CMTM7: variants seen among roughly 807,000 people sequenced by gnomAD.
CMTM7 encodes the protein CKLF-like MARVEL transmembrane domain-containing protein 7.
Under a neutral mutation model 19.3 loss-of-function variants are expected in CMTM7, and 7 were observed. That is an observed-to-expected ratio of 0.36 (90% CI 0.21 to 0.68). The LOEUF (loss-of-function observed/expected upper bound fraction) is 0.68. Ranked by LOEUF, CMTM7 falls within the 30% of genes least tolerant of loss-of-function variation. The pLI is 0.60. For missense variants in CMTM7, 193 were observed against 232.6 expected (o/e 0.83, Z 1.11); for synonymous variants, 87 against 99.3 (o/e 0.88, Z 0.74).
rs1387896670 is a variant in CMTM7 at position 32,392,030 on chromosome 3, C to A, written c.124C>A (p.Arg42Ser). 1 of 1,235,316 alleles carries A rather than the reference C, an allele frequency of 8.1e-7. No homozygotes were observed. The highest frequency in any genetic ancestry group is 1.0e-6 in the Non-Finnish European group (1 of 987,062). The allele number at this position is 1,235,316 out of a possible 1,614,324, so 76.5% of individuals were successfully genotyped here. ...LEGLLDLSYP[R>S]THAALLKVAQ... ...GGGGCTGCTGGACCTCAGCTACCCC[C>A]GCACCCACGCGGCCCTGCTGAAAGT... Residue 42 changes from arginine to serine, a missense_variant, in exon 1 of 5, where the codon CGC becomes AGC. Coordinates refer to ENST00000334983, the MANE Select transcript of CMTM7 (RefSeq NM_138410.4).
At chr3:32,439,939 A>T (rs1696650476) in intron 1 of CMTM7, among the ~76,000 whole-genome samples, 1 of 152,132 alleles carries the variant, frequency 6.6e-6, no homozygotes, top group African/African-American at 2.4e-5. Flanking sequence ...CTACCCACTA[A>T]ATGCCAGTAG....
At chr3:32,436,390 A>T (rs566678818) in intron 1 of CMTM7, among the ~76,000 whole-genome samples, 1 of 152,232 alleles carries the variant, frequency 6.6e-6, no homozygotes, top group South Asian at 2.1e-4. Context: ...AATTCAGCCA[A>T]AGTTGGGAGC....
At chr3:32,444,408 T>C (rs1321736659) in intron 2 of CMTM7, among the ~76,000 whole-genome samples, 1 of 152,258 alleles carries the variant, frequency 6.6e-6, no homozygotes, top group African/African-American at 2.4e-5. Context: ...TTCTATTCCA[T>C]TGATCTATGT....
intron 1 of CMTM7, among the ~76,000 whole-genome samples, chr3:32,426,722 T>C (rs1696438637): frequency 6.6e-6 from 1 of 152,228 alleles, no homozygotes; most frequent in South Asian, 2.1e-4. Flanking sequence ...TTTTCCACTT[T>C]TATAACACTG....
intron 1 of CMTM7, among the ~76,000 whole-genome samples, chr3:32,404,152 C>T (rs6550131): frequency 0.2 from 26,009 of 130,448 alleles, 3,821 homozygotes; most frequent in African/African-American, 0.3. Context: ...CTTTTTTTTT[C>T]TTTTTTTTTC....
intron 1 of CMTM7, among the ~76,000 whole-genome samples, chr3:32,395,282 G>A (rs1695898243): frequency 2.0e-5 from 3 of 152,146 alleles, no homozygotes; most frequent in African/African-American, 7.2e-5. Flanking sequence ...TGGGATTACA[G>A]GTGAGCCACT....
intron 1 of CMTM7, among the ~76,000 whole-genome samples, chr3:32,431,342 T>C (rs930981993): frequency 6.6e-6 from 1 of 152,192 alleles, no homozygotes; most frequent in Non-Finnish European, 1.5e-5. Context: ...TTTGTTTTCT[T>C]AAATAGACAC....
At chr3:32,454,148 C>G (rs1575129180) in intron 4 of CMTM7, 93 bp from the exon 5 acceptor site, 6 of 1,365,194 alleles carry the variant, frequency 4.4e-6, no homozygotes, top group Middle Eastern at 1.9e-4. Context: ...CAGGTGCCCC[C>G]CTGAGCAGAA....
intron 1 of CMTM7, among the ~76,000 whole-genome samples, chr3:32,414,264 G>A (rs1696224872): frequency 6.6e-6 from 1 of 152,126 alleles, no homozygotes; most frequent in Non-Finnish European, 1.5e-5. Flanking sequence ...TCTTGGTTCA[G>A]TTTTCATTCT....
chr3:32,399,022 G>A (rs1295251378), intron 1 of CMTM7, among the ~76,000 whole-genome samples: 3 of 152,120 alleles, frequency 2.0e-5, no homozygotes, highest in African/African-American at 4.8e-5. Context: ...GACCCTGGCT[G>A]TTAGTGGAGG....
At chr3:32,442,966 T>C (rs1306293682) in intron 2 of CMTM7, among the ~76,000 whole-genome samples, 3 of 152,228 alleles carry the variant, frequency 2.0e-5, no homozygotes, top group African/African-American at 7.2e-5. Flanking sequence ...ACTAATCTTC[T>C]GTCTCTAAAA....
chr3:32,439,573 C>G (rs932406676), intron 1 of CMTM7, among the ~76,000 whole-genome samples: 2 of 152,192 alleles, frequency 1.3e-5, no homozygotes, highest in Admixed American at 1.3e-4. Context: ...CCCACCTCAG[C>G]CTCCCAAGTT....
At chr3:32,400,182 G>T (rs1695979523) in intron 1 of CMTM7, among the ~76,000 whole-genome samples, 1 of 151,892 alleles carries the variant, frequency 6.6e-6, no homozygotes, top group African/African-American at 2.4e-5. Context: ...ACCACACCCG[G>T]CTAATTTTTG....
chr3:32,399,419 T>C (rs1255513085), intron 1 of CMTM7, among the ~76,000 whole-genome samples: 1 of 152,172 alleles, frequency 6.6e-6, no homozygotes, highest in East Asian at 1.9e-4. Context: ...TGAAATAAGA[T>C]TGAAGGAGCC....
At chr3:32,438,100 G>A (rs1472451746) in intron 1 of CMTM7, among the ~76,000 whole-genome samples, 1 of 152,124 alleles carries the variant, frequency 6.6e-6, no homozygotes, top group Non-Finnish European at 1.5e-5. Context: ...ACTCCGTCCT[G>A]AAGTCAGAAC....
At chr3:32,421,943 A>G (rs1455444903) in intron 1 of CMTM7, among the ~76,000 whole-genome samples, 2 of 152,200 alleles carry the variant, frequency 1.3e-5, no homozygotes, top group Non-Finnish European at 2.9e-5. Flanking sequence ...ATTATCCCTC[A>G]TGCCAAAGAT....
chr3:32,453,708 A>G (rs1485004969), intron 4 of CMTM7, among the ~76,000 whole-genome samples: 2 of 152,156 alleles, frequency 1.3e-5, no homozygotes, highest in Non-Finnish European at 2.9e-5. Flanking sequence ...GCTAATGAGG[A>G]TGAGGCTTCT....
chr3:32,418,764 G>A (rs1696303402), intron 1 of CMTM7, among the ~76,000 whole-genome samples: 1 of 152,160 alleles, frequency 6.6e-6, no homozygotes, highest in South Asian at 2.1e-4. Flanking sequence ...ATTTGTCTAA[G>A]CTTTCACCAG....
At chr3:32,422,514 G>T (rs756072232) in intron 1 of CMTM7, among the ~76,000 whole-genome samples, 2 of 152,234 alleles carry the variant, frequency 1.3e-5, no homozygotes, top group African/African-American at 2.4e-5. Context: ...GTGCCGTCTC[G>T]TAGCCCTAAT....
Sources: gnomAD v4.1 joint callset for allele counts (sites outside exome capture counted in the v4.1 genomes callset) on GRCh38, gnomAD v4.1.1 for gene constraint, MANE v1.5 for transcripts, NCBI Gene and HGNC (gene_info 2026-07-23, HGNC 2026-07-21) for gene names.